The following RSAD1 variants were observed in gnomAD, a reference collection of about 807,000 sequenced individuals.
The protein encoded by RSAD1 is radical S-adenosyl methionine domain containing 1.
A neutral mutation model predicts 46.2 loss-of-function variants in RSAD1; 34 were observed. The observed-to-expected ratio is 0.74, with a 90% CI of 0.56 to 0.98. RSAD1 has a LOEUF of 0.98. Ranked by LOEUF, RSAD1 falls within the 50% of genes least tolerant of loss-of-function variation. The pLI is 0.00. For synonymous variants in RSAD1, 260 were observed against 253.5 expected, an observed-to-expected ratio of 1.03 and a Z score of -0.24; for missense variants, 635 against 592.3, an observed-to-expected ratio of 1.07 and a Z score of -0.75.
rs2071737295 is a variant in RSAD1, at chr17:50,478,898, G to T, written c.14G>T (p.Gly5Val). 7.6e-7 allele frequency: 1 copy of T among 1,313,748 alleles called. No individual in the cohort carries two copies. Among genetic ancestry groups the T allele is most frequent in the African/African-American group, 1.5e-5 (1 of 64,692 alleles). 81.4% of individuals were successfully genotyped at this position (1,313,748 alleles called of 1,614,324 possible). MALP[G>V]ARARGWAAAA... Reference sequence around the variant, plus strand: ...GCGCTGGGCGCCATGGCGCTCCCCGGAGCCCGGGCTCGCGGCTGGGCGGCA... The same window carrying T: ...GCGCTGGGCGCCATGGCGCTCCCCGTAGCCCGGGCTCGCGGCTGGGCGGCA... Residue 5 changes from glycine to valine, a missense_variant, in exon 1 of 9, where the codon GGA becomes GTA. Gly to Val is a moderately radical substitution (Grantham distance 109). Transcript: ENST00000258955.
Position 50,482,236 on chromosome 17 carries a change from C to T in RSAD1, c.620C>T (p.Pro207Leu), listed in dbSNP as rs760286283. 1.1e-5 allele frequency: 18 copies of T among 1,570,004 alleles called. No individual in the cohort carries two copies. Among genetic ancestry groups the T allele is most frequent in the Non-Finnish European group, 1.4e-5 (16 of 1,154,082 alleles). Reference protein sequence around the residue: ...MLGLPAQQVGPWLGQLQELLH... With the variant: ...MLGLPAQQVGLWLGQLQELLH... ...GGGCTGCCGGCACAGCAGGTGGGGC[C>T]GTGGCTTGGGCAGCTGCAGGAACTG... Residue 207 changes from proline (P) to leucine (L), a missense_variant, in exon 4 of 9, where the codon CCG (proline) becomes CTG (leucine). Transcript: ENST00000258955.
chr17:50,482,668 C>CT lies in RSAD1; in HGVS notation c.868dup (p.Tyr290LeufsTer38), dbSNP rs767786641. On this transcript the variant is annotated frameshift_variant, in exon 5 of 9. Coordinates refer to ENST00000258955, the MANE Select transcript of RSAD1 (RefSeq NM_018346.3). LOFTEE classifies it high-confidence loss of function. ...GGGGCGCTCAGTACCCACAATTGGA[C>CT]TTACTGGCAGTGTGGTCAGTACCTT... The CT allele has an allele frequency of 1.2e-6, 2 of 1,614,206 alleles. No individual in the cohort carries two copies. Among genetic ancestry groups the CT allele is most frequent in the Non-Finnish European group, 1.7e-6 (2 of 1,180,038 alleles).
chr17:50,484,272 GA>G (rs2033422168), intron 7 of RSAD1, 169 bp from the exon 8 acceptor site: 1 of 599,596 alleles, frequency 1.7e-6, no homozygotes, highest in African/African-American at 1.9e-5. Flanking sequence ...GAATAGGAGT[GA>G]AGCTGCCCTC....
chr17:50,479,284 A>C, intron 1 of RSAD1: 1 of 469,700 alleles, frequency 2.1e-6, no homozygotes, highest in South Asian at 4.6e-5. Flanking sequence ...AGCAAGACAA[A>C]ATTTTCTTAA....
Position 50,484,642 on chromosome 17 carries a change from G to A in RSAD1, c.1211+97G>A, listed in dbSNP as rs181141805. 1,043 of 1,515,904 alleles carry A rather than the reference G, an allele frequency of 6.9e-4. 9 individuals are homozygous for A. The African/African-American group carries it at 0.013, about 19-fold the overall frequency. The allele number at this position is 1,515,904 out of a possible 1,614,324, so 93.9% of individuals were successfully genotyped here. ...CCAGGAGAAGTGAGAAAGACTGACT[G>A]GTAAGGCGGGACCTGCGGGTGCTGG... On this transcript the variant is annotated intron_variant, in intron 8 of 8. Transcript: ENST00000258955.
Position 50,484,936 on chromosome 17 carries a change from T to C in RSAD1, c.*75T>C. 2 of 1,205,708 alleles carry C rather than the reference T, an allele frequency of 1.7e-6. No homozygotes were observed. Among genetic ancestry groups the C allele is most frequent in the South Asian group, 2.5e-5 (2 of 78,748 alleles). 74.7% of individuals were successfully genotyped at this position (1,205,708 alleles called of 1,614,324 possible). A position where few individuals can be genotyped will look rare whatever the true frequency, so the allele number is the denominator to read the frequency against. ...GGGTCGGTACTGCAGACATCTCTTC[T>C]CCGTTGTCGGGTGCCGTCTCTGCTC... On this transcript the variant is annotated 3_prime_UTR_variant, in exon 9 of 9. Coordinates refer to ENST00000258955, the MANE Select transcript of RSAD1 (RefSeq NM_018346.3).
rs768606137 is a variant in RSAD1, at chr17:50,482,192, G to T, written c.576G>T (p.Val192=). The change falls in exon 4 of 9, where the codon GTG becomes GTT. Residue 192 remains valine (V), a synonymous_variant. Transcript: ENST00000258955. ...AEARRLFPGR[V]SVDLMLGLPA... is the part of the protein sequence containing the mutation. ...CCCGGCGCCTCTTTCCCGGGCGCGTGTCTGTAGACTTGATGCTGGGGCTGC... is the reference window on the plus strand; with the variant it reads ...CCCGGCGCCTCTTTCCCGGGCGCGTTTCTGTAGACTTGATGCTGGGGCTGC... 7 of 1,576,704 alleles carry T rather than the reference G, an allele frequency of 4.4e-6. No individual in the cohort carries two copies. Among genetic ancestry groups the T allele is most frequent in the Non-Finnish European group, 6.0e-6 (7 of 1,158,798 alleles).
chr17:50,482,065 T>C, intron 3 of RSAD1, 26 bp from the exon 4 acceptor site: 1 of 1,504,878 alleles, frequency 6.6e-7, no homozygotes, highest in Non-Finnish European at 8.9e-7. Context: ...GCTGCTGGTA[T>C]GCTTACACCC....
At chr17:50,483,572 T>A (rs960704531) in intron 6 of RSAD1, 85 bp downstream of exon 6, 1 of 1,590,508 alleles carries the variant, frequency 6.3e-7, no homozygotes, top group African/African-American at 1.3e-5. Context: ...ATTTCCTGTC[T>A]TGTCCTGGCC....
Position 50,479,022 on chromosome 17 carries a change from G to C in RSAD1, c.135+3G>C, listed in dbSNP as rs1447301157. 7.4e-7 allele frequency: 1 copy of C among 1,348,062 alleles called. No homozygotes were observed. The highest frequency in any genetic ancestry group is 1.5e-5 in the African/African-American group (1 of 65,706). 83.5% of individuals were successfully genotyped at this position (1,348,062 alleles called of 1,614,324 possible). On this transcript the variant is annotated splice_donor_region_variant and intron_variant, in intron 1 of 8. Coordinates refer to ENST00000258955, the MANE Select transcript of RSAD1 (RefSeq NM_018346.3). Reference sequence around the variant, plus strand: ...GGCGCGCGGCGCTTTACGTACACGTGAGTAGGGGCGGGGGCGGAGCCCACG... The same window carrying C: ...GGCGCGCGGCGCTTTACGTACACGTCAGTAGGGGCGGGGGCGGAGCCCACG...
intron 7 of RSAD1, 103 bp downstream of exon 7, chr17:50,483,863 T>A (rs2033417381): frequency 2.6e-6 from 3 of 1,147,882 alleles, no homozygotes; most frequent in Non-Finnish European, 3.7e-6. Flanking sequence ...CCAATTTCTG[T>A]GAGATTGGCA....
In RSAD1 at chr17:50,482,104, C is replaced by G. The variant is rs759678862; in HGVS notation, c.488C>G (p.Thr163Ser). 2 of 1,571,528 alleles carry G rather than the reference C, an allele frequency of 1.3e-6. No homozygotes were observed. Among genetic ancestry groups the G allele is most frequent in the Admixed American group, 1.8e-5 (1 of 54,716 alleles). ...LSIGLQSLDDTELRLLGRTHS... is the reference protein window; with the variant it reads ...LSIGLQSLDDSELRLLGRTHS... ...CTCTTTTCCCAGTCCCTAGATGACA[C>G]TGAGCTCCGGCTGTTGGGACGGACG... The change falls in exon 4 of 9, where the codon ACT becomes AGT. Residue 163 changes from threonine to serine, a missense_variant. Coordinates refer to ENST00000258955, the MANE Select transcript of RSAD1 (RefSeq NM_018346.3).
chr17:50,483,795 C>G (rs752422355), intron 7 of RSAD1, 35 bp downstream of exon 7: 17 of 1,582,800 alleles, frequency 1.1e-5, no homozygotes, highest in Admixed American at 1.9e-5. Flanking sequence ...CCACTCCCTC[C>G]TAAAGTCTTG....
chr17:50,484,851 C>T lies in RSAD1; in HGVS notation c.1319C>T (p.Pro440Leu). 1 of 1,613,774 alleles carries T rather than the reference C, an allele frequency of 6.2e-7. No homozygotes were observed. Among genetic ancestry groups the T allele is most frequent in the Non-Finnish European group, 8.5e-7 (1 of 1,179,792 alleles). ...AWQQRTPSPV[P>L]GG is the part of the protein sequence containing the mutation. ...CAGCAGAGAACCCCCTCCCCTGTGC[C>T]AGGAGGATGACAAAAATGTTCCTGT... Residue 440 changes from proline (P) to leucine (L), a missense_variant, in exon 9 of 9, where the codon CCA becomes CTA. Transcript: ENST00000258955.
intron 3 of RSAD1, among the ~76,000 whole-genome samples, chr17:50,481,628 A>G (rs1026802959): frequency 2.0e-5 from 3 of 152,250 alleles, no homozygotes; most frequent in Non-Finnish European, 4.4e-5. Context: ...ACAGGTATGT[A>G]TGTTTAAAGA....
Position 50,484,455 on chromosome 17 carries a change from T to A in RSAD1, c.1121T>A (p.Phe374Tyr). The A allele has an allele frequency of 6.2e-7, 1 of 1,613,638 alleles. No homozygotes were observed. The highest frequency in any genetic ancestry group is 8.5e-7 in the Non-Finnish European group (1 of 1,179,946). The change falls in exon 8 of 9, where the codon TTT becomes TAT. Residue 374 changes from phenylalanine (F) to tyrosine (Y), a missense_variant. By Grantham distance (22) the Phe-to-Tyr change is conservative. Coordinates refer to ENST00000258955, the MANE Select transcript of RSAD1 (RefSeq NM_018346.3). Reference sequence around the variant, plus strand: ...TGGCTTCCCCAGCACTGGCAGCAGTTTGAGCCCCAGCTGACCCTGTGGGAT... The same window carrying A: ...TGGCTTCCCCAGCACTGGCAGCAGTATGAGCCCCAGCTGACCCTGTGGGAT... ...VGITHQHWQQ[F>Y]EPQLTLWDVF...
Position 50,482,205 on chromosome 17 carries a change from ATGCTGGGGC to A in RSAD1, c.593_601del (p.Leu198_Leu200del). On this transcript the variant is annotated inframe_deletion, in exon 4 of 9. Transcript: ENST00000258955. ...TCCCGGGCGCGTGTCTGTAGACTTG[ATGCTGGGGC>A]TGCCGGCACAGCAGGTGGGGCCGTG... 6.4e-7 allele frequency: 1 copy of A among 1,569,534 alleles called. No homozygotes were observed. The highest frequency in any genetic ancestry group is 8.7e-7 in the Non-Finnish European group (1 of 1,154,168).
chr17:50,483,868 T>C (rs2033417410), intron 7 of RSAD1, 108 bp downstream of exon 7: 1 of 1,123,054 alleles, frequency 8.9e-7, no homozygotes, highest in Admixed American at 2.8e-5. Flanking sequence ...TTCTGTGAGA[T>C]TGGCAGCTAG....
chr17:50,479,874 C>T lies in RSAD1; in HGVS notation c.270-6C>T, dbSNP rs571606027. ...CAGGTCTCATTTCTCCATTCTCTTT[C>T]CCCAGGGTGGAGTCTGTGTTCTTTG... On this transcript the variant is annotated splice_region_variant and splice_polypyrimidine_tract_variant and intron_variant, in intron 2 of 8. Coordinates refer to ENST00000258955, the MANE Select transcript of RSAD1 (RefSeq NM_018346.3). The T allele has an allele frequency of 1.9e-6, 3 of 1,609,476 alleles. No homozygotes were observed. The East Asian group carries it at 6.7e-5, about 36-fold the overall frequency.
Sources: allele counts gnomAD v4.1 joint callset (sites outside exome capture counted in the v4.1 genomes callset), GRCh38; gene constraint gnomAD v4.1.1; transcripts MANE v1.5; gene names NCBI Gene and HGNC (gene_info 2026-07-23, HGNC 2026-07-21).